The following FAM184A variants were observed in gnomAD, a reference collection of about 807,000 sequenced individuals.
FAM184A encodes the protein protein FAM184A.
Under a neutral mutation model 143.8 loss-of-function variants are expected in FAM184A, and 99 were observed. That is an observed-to-expected ratio of 0.69 (90% CI 0.58 to 0.81). The LOEUF is 0.81. Ranked by LOEUF, FAM184A falls within the 40% of genes least tolerant of loss-of-function variation. FAM184A has a pLI of 0.00. For missense variants in FAM184A, 1,217 were observed against 1,310.5 expected, an observed-to-expected ratio of 0.93 and a Z score of 1.10; for synonymous variants, 427 against 446.4, an observed-to-expected ratio of 0.96 and a Z score of 0.55.
chr6:119,146,102 T>A (rs1279701180), intron 1 of FAM184A, among the ~76,000 whole-genome samples: 2 of 152,204 alleles, frequency 1.3e-5, no homozygotes, highest in Non-Finnish European at 2.9e-5. Context: ...GTATTTATAG[T>A]TAGGATTACC....
At chr6:119,073,657 G>A (rs1386139402) in intron 1 of FAM184A, among the ~76,000 whole-genome samples, 3 of 152,174 alleles carry the variant, frequency 2.0e-5, no homozygotes, top group Non-Finnish European at 4.4e-5. Flanking sequence ...GAAGATGCTT[G>A]TCCCACACCT....
At chr6:119,118,515 T>A (rs1487254319) in intron 1 of FAM184A, among the ~76,000 whole-genome samples, 1 of 152,216 alleles carries the variant, frequency 6.6e-6, no homozygotes, top group Non-Finnish European at 1.5e-5. Flanking sequence ...AGAACATGAA[T>A]TGTGAAGATT....
chr6:119,068,142 G>A (rs906662221), intron 1 of FAM184A, among the ~76,000 whole-genome samples: 2 of 149,234 alleles, frequency 1.3e-5, no homozygotes, highest in African/African-American at 4.9e-5. Context: ...CGCCTCCTGG[G>A]TTCAAGCAAT....
intron 14 of FAM184A, among the ~76,000 whole-genome samples, chr6:118,970,021 T>TTTTTTTTTTA (rs1783646150): frequency 2.1e-5 from 2 of 93,872 alleles, no homozygotes; most frequent in South Asian, 3.5e-4. Context: ...TTTTTTTTTT[T>TTTTTTTTTTA]GAGATGGAGT....
chr6:118,986,308 T>C (rs908163028), intron 9 of FAM184A, among the ~76,000 whole-genome samples: 1 of 151,796 alleles, frequency 6.6e-6, no homozygotes, highest in East Asian at 1.9e-4. Context: ...AAAAAAAAAA[T>C]TTGTGGAATA....
intron 1 of FAM184A, among the ~76,000 whole-genome samples, chr6:119,095,022 C>T (rs1788470810): frequency 6.6e-6 from 1 of 152,074 alleles, no homozygotes; most frequent in Non-Finnish European, 1.5e-5. Flanking sequence ...TAAAGGATGT[C>T]AGAGAGATGA....
chr6:119,018,856 C>T (rs2114677857), intron 4 of FAM184A, among the ~76,000 whole-genome samples: 1 of 151,914 alleles, frequency 6.6e-6, no homozygotes. Context: ...AAACAGTAAT[C>T]AAGAATGACT....
At chr6:119,030,137 T>C (rs1467086773) in intron 1 of FAM184A, among the ~76,000 whole-genome samples, 1 of 152,210 alleles carries the variant, frequency 6.6e-6, no homozygotes, top group Non-Finnish European at 1.5e-5. Context: ...TATATATTCA[T>C]GCTGACCATA....
intron 1 of FAM184A, among the ~76,000 whole-genome samples, chr6:119,098,590 T>G (rs1285704111): frequency 6.6e-6 from 1 of 152,208 alleles, no homozygotes; most frequent in African/African-American, 2.4e-5. Flanking sequence ...ATAGGTAGAT[T>G]CAAAATTTTT....
intron 1 of FAM184A, among the ~76,000 whole-genome samples, chr6:119,127,445 T>C (rs1012187485): frequency 2.6e-5 from 4 of 152,152 alleles, no homozygotes; most frequent in African/African-American, 9.7e-5. Flanking sequence ...TTTCTACTCT[T>C]TAGAAAAAAT....
At chr6:119,050,414 C>T (rs1031206053) in intron 1 of FAM184A, among the ~76,000 whole-genome samples, 21 of 150,356 alleles carry the variant, frequency 1.4e-4, no homozygotes, top group African/African-American at 4.9e-4. Flanking sequence ...ATAGCAAAGA[C>T]ATGGAATCAG....
At chr6:119,005,761 C>T (rs1784897421) in intron 7 of FAM184A, 1 of 240,330 alleles carries the variant, frequency 4.2e-6, no homozygotes, top group Non-Finnish European at 8.1e-6. Flanking sequence ...GGGTACTATA[C>T]ACCCAGTTTT....
Position 119,078,054 on chromosome 6 carries a change from C to A in FAM184A, c.159+87G>T. On this transcript the variant is annotated intron_variant, in intron 1 of 17. Coordinates refer to ENST00000338891, the MANE Select transcript of FAM184A (RefSeq NM_024581.6). The surrounding 1 kb of genome is among the most constrained non-coding windows in gnomAD (Gnocchi z 5.5). The stretch of plus-strand genomic sequence containing the variant: ...GGAGTAGAGTTCCCCTCGCTGCGGG[C>A]GCAGGGCGCACTGCCTCCCGGGGAG... 6 of 1,445,954 alleles carry A rather than the reference C, an allele frequency of 4.1e-6. No individual in the cohort carries two copies. The highest frequency in any genetic ancestry group is 5.5e-6 in the Non-Finnish European group (6 of 1,082,986). The allele number at this position is 1,445,954 out of a possible 1,614,324, so 89.6% of individuals were successfully genotyped here. A position where few individuals can be genotyped will look rare whatever the true frequency, so the allele number is the denominator to read the frequency against.
intron 1 of FAM184A, among the ~76,000 whole-genome samples, chr6:119,042,080 A>G (rs1289517645): frequency 1.3e-5 from 2 of 152,274 alleles, no homozygotes; most frequent in African/African-American, 4.8e-5. Flanking sequence ...TAAGCCCGGA[A>G]CCCAGAACTG....
At chr6:119,074,331 C>T (rs1366412309) in intron 1 of FAM184A, among the ~76,000 whole-genome samples, 1 of 152,174 alleles carries the variant, frequency 6.6e-6, no homozygotes, top group Non-Finnish European at 1.5e-5. Context: ...TCCCTAGTTA[C>T]TGGTTTCCCC....
intron 9 of FAM184A, among the ~76,000 whole-genome samples, chr6:118,987,142 T>C (rs1784220729): frequency 6.6e-6 from 1 of 152,190 alleles, no homozygotes; most frequent in African/African-American, 2.4e-5. Context: ...CTTTGATTTC[T>C]CTAGGGCTGG....
At chr6:119,088,398 T>C in intron 1 of FAM184A, among the ~76,000 whole-genome samples, 1 of 152,178 alleles carries the variant, frequency 6.6e-6, no homozygotes, top group East Asian at 1.9e-4. Context: ...GGAGATGAAA[T>C]AGACATTTCC....
chr6:119,144,301 T>C (rs1582653420), intron 1 of FAM184A, among the ~76,000 whole-genome samples: 1 of 139,132 alleles, frequency 7.2e-6, no homozygotes. Flanking sequence ...GCCACTGCAC[T>C]CCAGCCTGGG....
At chr6:119,119,370 A>T (rs1455028363) in intron 1 of FAM184A, among the ~76,000 whole-genome samples, 1 of 152,196 alleles carries the variant, frequency 6.6e-6, no homozygotes, top group African/African-American at 2.4e-5. Context: ...CTGGTTTTAC[A>T]GCTCAGGGGG....
Sources: allele counts gnomAD v4.1 joint callset (sites outside exome capture counted in the v4.1 genomes callset), GRCh38; gene constraint gnomAD v4.1.1; non-coding constraint Gnocchi (gnomAD v3.1); transcripts MANE v1.5; gene names NCBI Gene and HGNC (gene_info 2026-07-23, HGNC 2026-07-21).